ARID1B: variants seen among roughly 807,000 people sequenced by gnomAD.
The protein encoded by ARID1B is AT-rich interaction domain 1B.
Under a neutral mutation model 212.3 loss-of-function variants are expected in ARID1B, and 30 were observed. The ratio of observed to expected loss-of-function variants is 0.14; its 90% CI spans 0.11 to 0.19. The LOEUF is 0.19. Among genes scored for constraint, ARID1B ranks in the 10% least tolerant of loss-of-function variants. The pLI is 1.00. For missense variants in ARID1B, 2,891 were observed against 3,204.0 expected, an observed-to-expected ratio of 0.90 and a Z score of 2.36; for synonymous variants, 1,402 against 1,301.7, an observed-to-expected ratio of 1.08 and a Z score of -1.66.
chr6:157,038,825 A>T (rs1483346653), intron 4 of ARID1B, among the ~76,000 whole-genome samples: 1 of 152,160 alleles, frequency 6.6e-6, no homozygotes, highest in African/African-American at 2.4e-5. Context: ...TAGTGTAGCC[A>T]GCAGCTCTCA....
Position 157,190,080 on chromosome 6 carries a change from T to C in ARID1B, c.4101T>C (p.Ser1367=), listed in dbSNP as rs767486423. 1 of 1,614,214 alleles carries C rather than the reference T, an allele frequency of 6.2e-7. No homozygotes were observed. Among genetic ancestry groups the C allele is most frequent in the East Asian group, 2.2e-5 (1 of 44,882 alleles). ...ISVHDPFSDV[S]DSSFPKRNSM... ...TGCACGACCCATTCTCAGATGTGAG[T>C]GATTCATCCTTCCCGAAACGGAACT... is the stretch of plus-strand genomic sequence containing the variant. Residue 1367 remains serine (S), a synonymous_variant, in exon 15 of 20, where the codon AGT becomes AGC. Transcript: ENST00000636930. The surrounding 1 kb of genome is among the most constrained non-coding windows in gnomAD (Gnocchi z 4.6).
At chr6:157,006,540 C>A (rs1043615616) in intron 4 of ARID1B, among the ~76,000 whole-genome samples, 1 of 152,136 alleles carries the variant, frequency 6.6e-6, no homozygotes, top group African/African-American at 2.4e-5. Context: ...TAATAACTAA[C>A]CTAGTTACCA....
At chr6:157,021,881 C>T (rs1780315694) in intron 4 of ARID1B, among the ~76,000 whole-genome samples, 1 of 152,172 alleles carries the variant, frequency 6.6e-6, no homozygotes, top group Non-Finnish European at 1.5e-5. Flanking sequence ...CGTCTCGCGC[C>T]GCCGCCCCGC....
chr6:156,938,176 C>T (rs1792406811), intron 4 of ARID1B: 1 of 151,732 alleles, frequency 6.6e-6, no homozygotes, highest in African/African-American at 2.4e-5. Context: ...ATGGGGCTTA[C>T]AAATATTTTA....
intron 11 of ARID1B, among the ~76,000 whole-genome samples, chr6:157,176,189 T>G (rs2128307893): frequency 6.6e-6 from 1 of 152,344 alleles, no homozygotes; most frequent in East Asian, 1.9e-4. Flanking sequence ...TTACCTTCTC[T>G]GTAGCTACGT....
intron 5 of ARID1B, among the ~76,000 whole-genome samples, chr6:157,102,693 T>C (rs1342186857): frequency 7.0e-6 from 1 of 143,812 alleles, no homozygotes; most frequent in Admixed American, 7.5e-5. Context: ...GCCTCCCGGG[T>C]TCAAGTGATT....
chr6:157,049,564 A>C (rs1262833272), intron 4 of ARID1B, among the ~76,000 whole-genome samples: 1 of 152,218 alleles, frequency 6.6e-6, no homozygotes, highest in Non-Finnish European at 1.5e-5. Context: ...TTTATAAGAA[A>C]TGTCTCTTAA....
chr6:157,052,526 T>C (rs1275901195), intron 4 of ARID1B, among the ~76,000 whole-genome samples: 1 of 152,236 alleles, frequency 6.6e-6, no homozygotes, highest in Admixed American at 6.5e-5. Context: ...TCCTTGGAAT[T>C]CCAAAGTGGA....
intron 2 of ARID1B, among the ~76,000 whole-genome samples, chr6:156,886,151 TC>T (rs1299672580): frequency 1.3e-5 from 2 of 152,214 alleles, no homozygotes; most frequent in Admixed American, 1.3e-4. Context: ...ACCCATACTT[TC>T]TAAATTAATC....
At chr6:156,809,713 G>GAAAAA (rs370188789) in intron 1 of ARID1B, among the ~76,000 whole-genome samples, 2 of 104,448 alleles carry the variant, frequency 1.9e-5, no homozygotes, top group South Asian at 3.7e-4. Flanking sequence ...CTTTTTCAAA[G>GAAAAA]AAAAAAAAAA....
chr6:156,856,755 C>T (rs1017735786), intron 2 of ARID1B, among the ~76,000 whole-genome samples: 5 of 131,978 alleles, frequency 3.8e-5, no homozygotes, highest in African/African-American at 1.5e-4. Context: ...CTGATGTTGG[C>T]TTTCTAAAAT....
chr6:157,186,864 T>C (rs1305296511), intron 13 of ARID1B, among the ~76,000 whole-genome samples: 1 of 152,224 alleles, frequency 6.6e-6, no homozygotes. Flanking sequence ...GCACTCTAAG[T>C]CATCTGTCTC....
At chr6:156,958,732 T>G (rs1794144433) in intron 4 of ARID1B, among the ~76,000 whole-genome samples, 1 of 151,826 alleles carries the variant, frequency 6.6e-6, no homozygotes, top group Non-Finnish European at 1.5e-5. Flanking sequence ...CTCCTTCCTT[T>G]TGGAAAAGTC....
chr6:157,013,386 G>A (rs985277543), intron 4 of ARID1B, among the ~76,000 whole-genome samples: 3 of 152,234 alleles, frequency 2.0e-5, no homozygotes, highest in Non-Finnish European at 4.4e-5. Flanking sequence ...TACCATTCAT[G>A]TGAGATGGAG....
intron 1 of ARID1B, among the ~76,000 whole-genome samples, chr6:156,826,516 G>T (rs1782750554): frequency 1.3e-5 from 2 of 152,126 alleles, no homozygotes; most frequent in Non-Finnish European, 2.9e-5. Context: ...TGTGGTGAAT[G>T]GATTCACCAA....
intron 5 of ARID1B, among the ~76,000 whole-genome samples, chr6:157,087,633 C>T (rs1232813506): frequency 6.6e-6 from 1 of 152,162 alleles, no homozygotes; most frequent in Non-Finnish European, 1.5e-5. Context: ...TTGATTTAGG[C>T]AGCAAGTCTT....
At chr6:157,144,125 G>A (rs1180245028) in intron 7 of ARID1B, among the ~76,000 whole-genome samples, 1 of 152,190 alleles carries the variant, frequency 6.6e-6, no homozygotes, top group Non-Finnish European at 1.5e-5. Flanking sequence ...GAGAGATGGA[G>A]GTAGGGTACA....
At chr6:157,178,561 T>C (rs546347517) in intron 11 of ARID1B, among the ~76,000 whole-genome samples, 2 of 152,304 alleles carry the variant, frequency 1.3e-5, no homozygotes, top group East Asian at 3.9e-4. Context: ...GGCCTGACCG[T>C]GTCAGTTCCC....
intron 8 of ARID1B, among the ~76,000 whole-genome samples, chr6:157,164,185 C>G (rs1458914677): frequency 6.6e-6 from 1 of 152,210 alleles, no homozygotes. Context: ...GTGACAGAGT[C>G]AAGACCCCTG....
Sources: gnomAD v4.1 joint callset for allele counts (sites outside exome capture counted in the v4.1 genomes callset) on GRCh38, gnomAD v4.1.1 for gene constraint, Gnocchi (gnomAD v3.1) non-coding constraint, MANE v1.5 for transcripts, NCBI Gene and HGNC (gene_info 2026-07-23, HGNC 2026-07-21) for gene names.